CCP110: variants seen among roughly 807,000 people sequenced by gnomAD.
The protein encoded by CCP110 is centriolar coiled-coil protein 110.
A neutral mutation model predicts 105.5 loss-of-function variants in CCP110; 43 were observed. The observed-to-expected ratio is 0.41, with a 90% CI of 0.32 to 0.53. CCP110 has a LOEUF of 0.53. CCP110 is among the 20% of genes least tolerant of loss of function. The probability of loss-of-function intolerance (pLI) is 0.32; values close to 1 mark genes in which losing one functional copy is unlikely to be tolerated. For synonymous variants in CCP110, 353 were observed against 392.1 expected (o/e 0.90, Z 1.18); for missense variants, 1,016 against 1,189.1 (o/e 0.85, Z 2.14).
chr16:19,547,706 CA>C (rs1970509345), intron 12 of CCP110: 1 of 348,370 alleles, frequency 2.9e-6, no homozygotes, highest in Middle Eastern at 7.8e-4. Flanking sequence ...TCTAAAAGCA[CA>C]AGGGTTAGTC....
intron 1 of CCP110, chr16:19,524,836 C>T (rs1002939154): frequency 1.3e-5 from 2 of 152,218 alleles, no homozygotes; most frequent in Non-Finnish European, 2.9e-5. Context: ...GGAATTCATA[C>T]TCTACTGCTA....
exon 7 of CCP110, chr16:19,542,643 A>G (rs766474012): frequency 1.1e-5 from 17 of 1,612,344 alleles, no homozygotes; most frequent in African/African-American, 1.3e-5. Flanking sequence ...CTGCCATGCA[A>G]TATAGCTTTG....
In CCP110 at chr16:19,548,086, A is replaced by G; in HGVS notation, c.2900+72A>G. On this transcript the variant is annotated intron_variant, in intron 13 of 14. Transcript: ENST00000381396. This position sits in a 1 kb window ranked among gnomAD's most constrained non-coding sequence, Gnocchi z 4.1. The stretch of plus-strand genomic sequence containing the variant: ...AGATTTGAGAGGGAAAAATAAATCT[A>G]GTGTTCTTTATGTAAAGGATAATGG... The G allele has an allele frequency of 9.6e-7, 1 of 1,046,832 alleles. No individual in the cohort carries two copies. Among genetic ancestry groups the G allele is most frequent in the Non-Finnish European group, 1.5e-6 (1 of 669,238 alleles). The allele number at this position is 1,046,832 out of a possible 1,614,324, so 64.8% of individuals were successfully genotyped here.
chr16:19,548,215 G>T lies in CCP110; in HGVS notation c.2900+201G>T. 1.7e-6 allele frequency: 1 copy of T among 594,706 alleles called. No homozygotes were observed. The highest frequency in any genetic ancestry group is 3.0e-6 in the Non-Finnish European group (1 of 335,222). The allele number at this position is 594,706 out of a possible 1,614,324, so 36.8% of individuals were successfully genotyped here. A position where few individuals can be genotyped will look rare whatever the true frequency, so the allele number is the denominator to read the frequency against. Reference sequence around the variant, plus strand: ...TGTACTGTTGTGTATTCTAATTACTGTCTTAAGTTGGGATGTTTTTACTTT... The same window carrying T: ...TGTACTGTTGTGTATTCTAATTACTTTCTTAAGTTGGGATGTTTTTACTTT... On this transcript the variant is annotated intron_variant, in intron 13 of 14. Transcript: ENST00000381396. This position sits in a 1 kb window ranked among gnomAD's most constrained non-coding sequence, Gnocchi z 4.1.
chr16:19,544,713 T>C, intron 8 of CCP110, 84 bp from the exon 9 acceptor site: 2 of 734,716 alleles, frequency 2.7e-6, no homozygotes, highest in Non-Finnish European at 4.8e-6. Context: ...AATTTTGGAT[T>C]GACTGAGAAA....
At chr16:19,546,002 G>C (rs1970446099) in intron 11 of CCP110, 112 bp downstream of exon 11, 6 of 641,840 alleles carry the variant, frequency 9.3e-6, no homozygotes, top group Non-Finnish European at 1.6e-5. Flanking sequence ...TTCTGCAGTT[G>C]AGCTGATAGA....
intron 2 of CCP110, among the ~76,000 whole-genome samples, chr16:19,531,724 T>C (rs888946380): frequency 1.1e-4 from 17 of 152,134 alleles, no homozygotes; most frequent in African/African-American, 4.1e-4. Flanking sequence ...TCCCAGCACT[T>C]TGGGAGGCCG....
chr16:19,542,147 C>T (rs757134866), intron 6 of CCP110, 83 bp downstream of exon 6: 34 of 938,764 alleles, frequency 3.6e-5, no homozygotes, highest in Admixed American at 5.6e-5. Flanking sequence ...GATTATATCT[C>T]CTGTTTTCAA....
chr16:19,542,581 A>G (rs753624980), intron 6 of CCP110, 40 bp from the exon 7 acceptor site: 2 of 1,444,988 alleles, frequency 1.4e-6, no homozygotes, highest in Non-Finnish European at 1.9e-6. Context: ...TATTCTAATT[A>G]TATGACATCA....
chr16:19,529,960 G>A (rs1305903313), intron 2 of CCP110, among the ~76,000 whole-genome samples: 1 of 152,054 alleles, frequency 6.6e-6, no homozygotes, highest in Non-Finnish European at 1.5e-5. Context: ...GGGAGGCTGA[G>A]GTGGGTGGAT....
At chr16:19,533,021 A>G (rs1031889240) in intron 3 of CCP110, among the ~76,000 whole-genome samples, 1 of 151,340 alleles carries the variant, frequency 6.6e-6, no homozygotes, top group African/African-American at 2.4e-5. Context: ...ATGTCTAAAA[A>G]CTATTTAAAC....
chr16:19,526,625 T>A (rs1969682191), intron 1 of CCP110: 1 of 152,176 alleles, frequency 6.6e-6, no homozygotes, highest in South Asian at 2.1e-4. Context: ...TTAAACTATT[T>A]AGAAAAAATA....
At chr16:19,527,379 A>C (rs75709470) in intron 1 of CCP110, among the ~76,000 whole-genome samples, 1 of 151,978 alleles carries the variant, frequency 6.6e-6, no homozygotes. Flanking sequence ...AAAAAAAAAA[A>C]AGATATGAGA....
chr16:19,533,344 G>A (rs950671707), intron 3 of CCP110, among the ~76,000 whole-genome samples: 37 of 152,298 alleles, frequency 2.4e-4, no homozygotes, highest in African/African-American at 8.2e-4. Context: ...TTTTGCCAAG[G>A]TTGAGGATGT....
At chr16:19,544,812 A>G (rs1331195805) in exon 9 of CCP110, 2 of 1,568,002 alleles carry the variant, frequency 1.3e-6, no homozygotes, top group Non-Finnish European at 8.8e-7. Flanking sequence ...TATGGAATTC[A>G]TAAGAAGTTT....
intron 4 of CCP110, among the ~76,000 whole-genome samples, chr16:19,538,302 CTTTTTTTTTTTTTTTTTT>C (rs1164690143): frequency 1.8e-5 from 1 of 55,246 alleles, no homozygotes; most frequent in East Asian, 6.9e-4. Context: ...GGAAACAGTT[CTTTTTTTTTTTTTTTTTT>C]TTTTTTTTTT....
intron 2 of CCP110, among the ~76,000 whole-genome samples, chr16:19,528,282 A>G (rs1311390598): frequency 6.6e-6 from 1 of 152,220 alleles, no homozygotes; most frequent in East Asian, 1.9e-4. Flanking sequence ...TTTCTAGATG[A>G]GCAGTTTGGT....
At chr16:19,543,665 ATTAATAATTAATACCC>A (rs1970365822) in intron 8 of CCP110, among the ~76,000 whole-genome samples, 1 of 152,186 alleles carries the variant, frequency 6.6e-6, no homozygotes, top group Admixed American at 6.5e-5. Context: ...AGCAAGGAAT[ATTAATAATTAATACCC>A]TGGGGAAGGA....
chr16:19,545,469 C>G (rs1487331637), intron 10 of CCP110, among the ~76,000 whole-genome samples: 1 of 152,102 alleles, frequency 6.6e-6, no homozygotes, highest in East Asian at 1.9e-4. Context: ...AATCTATCAG[C>G]TGCTCCTGAT....
Sources: gnomAD v4.1 joint callset for allele counts (sites outside exome capture counted in the v4.1 genomes callset) on GRCh38, gnomAD v4.1.1 for gene constraint, Gnocchi (gnomAD v3.1) non-coding constraint, MANE v1.5 for transcripts, NCBI Gene and HGNC (gene_info 2026-07-23, HGNC 2026-07-21) for gene names.